Variants in ROBO2 observed in about 807,000 individuals in gnomAD.
The protein encoded by ROBO2 is roundabout homolog 2.
ROBO2 carries 53 observed loss-of-function variants against 160.8 expected under a neutral mutation model. The observed-to-expected ratio is 0.33, with a 90% CI of 0.26 to 0.41. The LOEUF is 0.41. ROBO2 is among the 10% of genes least tolerant of loss of function. ROBO2 has a pLI of 1.00. For synonymous variants in ROBO2, 664 were observed against 611.7 expected (o/e 1.09, Z -1.26); for missense variants, 1,577 against 1,722.4 (o/e 0.92, Z 1.49).
intron 2 of ROBO2, among the ~76,000 whole-genome samples, chr3:76,628,708 C>T (rs541234616): frequency 1.3e-5 from 2 of 152,196 alleles, no homozygotes; most frequent in East Asian, 3.9e-4. Context: ...AAAAGTGATT[C>T]TTTTCTTCCA....
chr3:77,171,373 T>C (rs975713237), intron 2 of ROBO2, among the ~76,000 whole-genome samples: 2 of 152,238 alleles, frequency 1.3e-5, no homozygotes, highest in Admixed American at 1.3e-4. Flanking sequence ...CTTAGAAAAC[T>C]GATCTTAGAA....
intron 2 of ROBO2, among the ~76,000 whole-genome samples, chr3:76,851,891 T>G (rs141856200): frequency 6.6e-6 from 1 of 152,054 alleles, no homozygotes; most frequent in Non-Finnish European, 1.5e-5. Flanking sequence ...GTTGGAAGAA[T>G]TGGCTGCTGC....
intron 1 of ROBO2, among the ~76,000 whole-genome samples, chr3:77,051,397 C>T (rs1023247595): frequency 6.6e-6 from 1 of 152,086 alleles, no homozygotes; most frequent in African/African-American, 2.4e-5. Flanking sequence ...TTGATGCCTG[C>T]CCTCTACTCA....
intron 2 of ROBO2, among the ~76,000 whole-genome samples, chr3:76,095,972 A>T (rs1459309125): frequency 1.3e-5 from 2 of 152,200 alleles, no homozygotes; most frequent in African/African-American, 2.4e-5. Context: ...AACAAATATC[A>T]AGTCATGTAC....
chr3:76,688,814 C>T (rs2092738868), intron 2 of ROBO2, among the ~76,000 whole-genome samples: 5 of 152,024 alleles, frequency 3.3e-5, no homozygotes, highest in Admixed American at 3.3e-4. Flanking sequence ...ATTTCATAAT[C>T]TCTCCTTTCA....
chr3:76,762,417 T>C (rs1030813725), intron 2 of ROBO2, among the ~76,000 whole-genome samples: 10 of 150,884 alleles, frequency 6.6e-5, no homozygotes, highest in Non-Finnish European at 1.2e-4. Flanking sequence ...TAATTGCTTT[T>C]GTTCTTCTCC....
chr3:76,658,315 C>A (rs547798963), intron 2 of ROBO2, among the ~76,000 whole-genome samples: 4 of 151,726 alleles, frequency 2.6e-5, no homozygotes, highest in African/African-American at 9.7e-5. Flanking sequence ...TTATACTTTA[C>A]ACTTCCTATG....
chr3:76,703,409 A>C (rs572830780), intron 2 of ROBO2, among the ~76,000 whole-genome samples: 86 of 152,248 alleles, frequency 5.6e-4, no homozygotes, highest in Non-Finnish European at 8.8e-4. Context: ...ACACATGTGC[A>C]GAACGTGCAG....
chr3:76,443,911 CAT>C (rs1435064833), intron 2 of ROBO2, among the ~76,000 whole-genome samples: 2 of 152,102 alleles, frequency 1.3e-5, no homozygotes, highest in African/African-American at 4.8e-5. Context: ...GCAGAATGTT[CAT>C]ATGCAAGAAA....
chr3:76,953,729 A>C (rs1254794013), intron 2 of ROBO2, among the ~76,000 whole-genome samples: 15 of 152,194 alleles, frequency 9.9e-5, no homozygotes, highest in Admixed American at 9.2e-4. Flanking sequence ...AGCTGTGAAG[A>C]AAGACAGTCC....
At chr3:76,400,337 C>A (rs1559885374) in intron 2 of ROBO2, among the ~76,000 whole-genome samples, 1 of 151,526 alleles carries the variant, frequency 6.6e-6, no homozygotes, top group Non-Finnish European at 1.5e-5. Flanking sequence ...AGTCATGAGT[C>A]ACATGAAAGT....
chr3:77,136,592 A>G (rs2076296027), intron 2 of ROBO2, among the ~76,000 whole-genome samples: 1 of 147,302 alleles, frequency 6.8e-6, no homozygotes, highest in South Asian at 2.1e-4. Flanking sequence ...CTCCAACCTC[A>G]GCGTCCCCAG....
At chr3:76,273,665 C>G (rs1437677387) in intron 2 of ROBO2, among the ~76,000 whole-genome samples, 1 of 151,968 alleles carries the variant, frequency 6.6e-6, no homozygotes, top group East Asian at 1.9e-4. Context: ...TGAGAACTCA[C>G]TCATCATCAT....
intron 2 of ROBO2, among the ~76,000 whole-genome samples, chr3:75,957,651 T>C (rs1948768539): frequency 6.6e-6 from 1 of 151,542 alleles, no homozygotes; most frequent in Non-Finnish European, 1.5e-5. Context: ...TCTCTCTACA[T>C]GTTATTGATG....
At chr3:76,062,757 G>A (rs1175413863) in intron 2 of ROBO2, among the ~76,000 whole-genome samples, 3 of 152,100 alleles carry the variant, frequency 2.0e-5, no homozygotes, top group Non-Finnish European at 4.4e-5. Context: ...GAACATAATC[G>A]TTGCTTGACC....
chr3:77,436,389 G>A (rs1417999682), intron 2 of ROBO2, among the ~76,000 whole-genome samples: 1 of 151,744 alleles, frequency 6.6e-6, no homozygotes, highest in East Asian at 1.9e-4. Context: ...TAGAACCAGA[G>A]GTGGGTAATG....
chr3:75,927,914 G>A (rs1474326066), intron 1 of ROBO2, among the ~76,000 whole-genome samples: 1 of 151,340 alleles, frequency 6.6e-6, no homozygotes, highest in Non-Finnish European at 1.5e-5. Flanking sequence ...AGACACACAG[G>A]TGTATGTGTG....
At chr3:76,313,131 AT>A (rs1428478688) in intron 2 of ROBO2, among the ~76,000 whole-genome samples, 3 of 152,196 alleles carry the variant, frequency 2.0e-5, no homozygotes, top group East Asian at 1.9e-4. Context: ...AATTCTGTGT[AT>A]TTTTTAAAGG....
chr3:76,574,186 T>A (rs1038115826), intron 2 of ROBO2, among the ~76,000 whole-genome samples: 14 of 152,040 alleles, frequency 9.2e-5, no homozygotes, highest in Non-Finnish European at 2.1e-4. Flanking sequence ...AATAAACCAA[T>A]TAAACTGATT....
Sources: allele counts gnomAD v4.1 joint callset (sites outside exome capture counted in the v4.1 genomes callset), GRCh38; gene constraint gnomAD v4.1.1; transcripts MANE v1.5; gene names NCBI Gene and HGNC (gene_info 2026-07-23, HGNC 2026-07-21).